Variants in KIAA0319L observed in about 807,000 individuals in gnomAD.
KIAA0319L encodes the protein dyslexia-associated protein KIAA0319-like protein.
A neutral mutation model predicts 120.1 loss-of-function variants in KIAA0319L; 55 were observed. The observed-to-expected ratio is 0.46, with a 90% CI of 0.37 to 0.57. The LOEUF (loss-of-function observed/expected upper bound fraction) is 0.57, where lower values mean the gene tolerates loss of function less well. Ranked by LOEUF, KIAA0319L falls within the 20% of genes least tolerant of loss-of-function variation. The pLI is 0.00. For synonymous variants in KIAA0319L, 398 were observed against 471.9 expected (o/e 0.84, Z 2.03); for missense variants, 1,049 against 1,255.3 (o/e 0.84, Z 2.48).
intron 15 of KIAA0319L, 127 bp from the exon 16 acceptor site, chr1:35,448,459 G>T: frequency 1.1e-6 from 1 of 924,724 alleles, no homozygotes; most frequent in Non-Finnish European, 1.6e-6. Context: ...AAATGGAAAG[G>T]GACAATAGTG....
At chr1:35,529,646 G>A (rs1646285623) in intron 2 of KIAA0319L, among the ~76,000 whole-genome samples, 1 of 152,060 alleles carries the variant, frequency 6.6e-6, no homozygotes, top group Admixed American at 6.6e-5. Context: ...ATTCTCTCCT[G>A]GCTTGCAAGG....
chr1:35,462,132 T>C (rs968510501), intron 8 of KIAA0319L, among the ~76,000 whole-genome samples: 4 of 152,080 alleles, frequency 2.6e-5, no homozygotes, highest in African/African-American at 9.7e-5. Flanking sequence ...AAGAGTAAAA[T>C]GTTAAGAAGC....
intron 5 of KIAA0319L, among the ~76,000 whole-genome samples, chr1:35,471,246 C>T (rs900818745): frequency 1.3e-4 from 20 of 152,178 alleles, no homozygotes; most frequent in African/African-American, 4.8e-4. Flanking sequence ...CCAGGTTGCT[C>T]ATGGTGTGGC....
At chr1:35,441,367 C>A (rs1641202081) in intron 19 of KIAA0319L, among the ~76,000 whole-genome samples, 1 of 152,234 alleles carries the variant, frequency 6.6e-6, no homozygotes, top group African/African-American at 2.4e-5. Flanking sequence ...CACGGACTCA[C>A]CATCCCACAG....
chr1:35,462,568 C>G, intron 8 of KIAA0319L, 53 bp downstream of exon 8: 2 of 1,410,776 alleles, frequency 1.4e-6, no homozygotes, highest in Non-Finnish European at 2.0e-6. Flanking sequence ...AGTTTTCTAT[C>G]AGAGTACACG....
At chr1:35,499,961 A>G (rs954663873) in intron 3 of KIAA0319L, among the ~76,000 whole-genome samples, 1 of 152,192 alleles carries the variant, frequency 6.6e-6, no homozygotes, top group Non-Finnish European at 1.5e-5. Context: ...AGCCAGCACA[A>G]GAGTTCTCAG....
chr1:35,450,344 C>T lies in KIAA0319L; in HGVS notation c.2214+14G>A, dbSNP rs41307890. On this transcript the variant is annotated intron_variant, in intron 14 of 20. Transcript: ENST00000325722. Reference sequence around the variant, plus strand: ...CCCACTCCTGTGTAGCTCTCCAGCTCCTAGCACACTTACCCCTGCTGCTGG... The same window carrying T: ...CCCACTCCTGTGTAGCTCTCCAGCTTCTAGCACACTTACCCCTGCTGCTGG... The T allele has an allele frequency of 5.3e-3, 8,466 of 1,610,846 alleles. 215 individuals carry two copies. In the East Asian group the frequency reaches 0.059, roughly 11 times the overall value.
chr1:35,441,108 C>T lies in KIAA0319L; in HGVS notation c.2901G>A (p.Lys967=), dbSNP rs1363518752. 23 of 1,614,084 alleles carry T rather than the reference C, an allele frequency of 1.4e-5. No homozygotes were observed. The highest frequency in any genetic ancestry group is 4.0e-5 in the African/African-American group (3 of 74,944). ...RQKGKPKRKS[K]YKILDATDQE... ...GATCCGTGGCATCCAGGATCTTGTA[C>T]TTGCTTTTCCTCTTGGGTTTTCCTT... The change falls in exon 20 of 21, where the codon AAG becomes AAA. Residue 967 remains lysine (K), a synonymous_variant. Coordinates refer to ENST00000325722, the MANE Select transcript of KIAA0319L (RefSeq NM_024874.5).
upstream of KIAA0319L, chr1:35,557,584 C>T (rs968401656): frequency 4.7e-6 from 2 of 424,878 alleles, no homozygotes; most frequent in African/African-American, 4.1e-5. Flanking sequence ...CCTCTCGCCG[C>T]CCGCTCTCCA....
intron 10 of KIAA0319L, 150 bp downstream of exon 10, chr1:35,455,863 G>A: frequency 1.5e-6 from 1 of 667,070 alleles, no homozygotes; most frequent in Admixed American, 2.5e-5. Context: ...ACAGGCGTGA[G>A]CCACCATACC....
At chr1:35,490,221 TG>T (rs544090889) in intron 3 of KIAA0319L, among the ~76,000 whole-genome samples, 62 of 152,354 alleles carry the variant, frequency 4.1e-4, no homozygotes, top group African/African-American at 1.4e-3. Context: ...AAAGCTAGAA[TG>T]GAAAACTTTG....
chr1:35,481,467 T>C (rs896892927), intron 3 of KIAA0319L, among the ~76,000 whole-genome samples: 1 of 152,228 alleles, frequency 6.6e-6, no homozygotes, highest in Non-Finnish European at 1.5e-5. Flanking sequence ...TTTTTATTTT[T>C]TGTCATTCTA....
At chr1:35,443,268 G>T in intron 17 of KIAA0319L, 2 of 483,494 alleles carry the variant, frequency 4.1e-6, no homozygotes, top group South Asian at 6.2e-5. Context: ...GTCTATATCA[G>T]CAATTCTTAA....
chr1:35,440,883 C>G, intron 20 of KIAA0319L, 164 bp downstream of exon 20: 1 of 690,298 alleles, frequency 1.4e-6, no homozygotes, highest in Non-Finnish European at 2.6e-6. Context: ...TTGTCCAGTG[C>G]AGCTCAGGGC....
At chr1:35,456,324 A>G in intron 9 of KIAA0319L, 83 bp from the exon 10 acceptor site, 1 of 902,494 alleles carries the variant, frequency 1.1e-6, no homozygotes, top group Non-Finnish European at 1.7e-6. Context: ...AATTAAGGCT[A>G]AGAAATACCA....
intron 3 of KIAA0319L, among the ~76,000 whole-genome samples, chr1:35,484,819 T>C (rs1206781983): frequency 7.2e-6 from 1 of 138,478 alleles, no homozygotes; most frequent in Non-Finnish European, 1.6e-5. Flanking sequence ...TTTTTTTTTA[T>C]TATACTCTAA....
At chr1:35,459,595 T>TC (rs1454175420) in intron 9 of KIAA0319L, among the ~76,000 whole-genome samples, 1 of 144,574 alleles carries the variant, frequency 6.9e-6, no homozygotes, top group Non-Finnish European at 1.5e-5. Context: ...AGACTCTGTC[T>TC]CAAAAAAAAA....
At chr1:35,444,367 T>C (rs1641462035) in intron 16 of KIAA0319L, 64 bp from the exon 17 acceptor site, 2 of 1,446,074 alleles carry the variant, frequency 1.4e-6, no homozygotes, top group Admixed American at 4.7e-5. Flanking sequence ...ACAGCTAACA[T>C]TTACTAAGTA....
Position 35,470,974 on chromosome 1 carries a change from G to A in KIAA0319L, c.1016-14C>T. ...TGTAGGTTTCTCCTATAGAAGGGCA[G>A]TTACAAAAATCATGAAAACACACAC... is the stretch of plus-strand genomic sequence containing the variant. On this transcript the variant is annotated splice_polypyrimidine_tract_variant and intron_variant, in intron 5 of 20. Coordinates refer to ENST00000325722, the MANE Select transcript of KIAA0319L (RefSeq NM_024874.5). The A allele has an allele frequency of 2.7e-6, 4 of 1,505,858 alleles. No individual in the cohort carries two copies. The highest frequency in any genetic ancestry group is 3.7e-6 in the Non-Finnish European group (4 of 1,081,358). The allele number at this position is 1,505,858 out of a possible 1,614,324, so 93.3% of individuals were successfully genotyped here.
Sources: gnomAD v4.1 joint callset for allele counts (sites outside exome capture counted in the v4.1 genomes callset) on GRCh38, gnomAD v4.1.1 for gene constraint, MANE v1.5 for transcripts, NCBI Gene and HGNC (gene_info 2026-07-23, HGNC 2026-07-21) for gene names.